SOCS6: variants seen among roughly 807,000 people sequenced by gnomAD.
SOCS6 encodes the protein STAT induced STAT inhibitor-4.
SOCS6 carries 5 observed loss-of-function variants against 27.7 expected under a neutral mutation model. The ratio of observed to expected loss-of-function variants is 0.18; its 90% CI spans 0.09 to 0.38. SOCS6 has a LOEUF of 0.38. Ranked by LOEUF, SOCS6 falls within the 10% of genes least tolerant of loss-of-function variation. The pLI is 1.00. For missense variants in SOCS6, 595 were observed against 688.1 expected (o/e 0.86, Z 1.51); for synonymous variants, 271 against 260.0 (o/e 1.04, Z -0.41).
At chr18:70,292,910 C>T (rs2062306349) in intron 1 of SOCS6, among the ~76,000 whole-genome samples, 1 of 152,196 alleles carries the variant, frequency 6.6e-6, no homozygotes, top group South Asian at 2.1e-4. Flanking sequence ...CTCAGAGCAT[C>T]ACCACCTCAG....
At chr18:70,301,736 T>C (rs41530248) in intron 1 of SOCS6, among the ~76,000 whole-genome samples, 11,447 of 152,164 alleles carry the variant, frequency 0.075, 499 homozygotes, top group Middle Eastern at 0.18. Context: ...GGGACCAAAG[T>C]CTTGAGTGCT....
chr18:70,313,592 G>A (rs2062399085), intron 1 of SOCS6, among the ~76,000 whole-genome samples: 1 of 152,078 alleles, frequency 6.6e-6, no homozygotes, highest in Non-Finnish European at 1.5e-5. Context: ...CACTAGTCCC[G>A]AAAGTTTCTC....
intron 1 of SOCS6, among the ~76,000 whole-genome samples, chr18:70,299,879 A>G (rs2062340650): frequency 6.6e-6 from 1 of 152,184 alleles, no homozygotes. Flanking sequence ...TAAATAATCT[A>G]GAGATGATTT....
rs564865138 is a variant in SOCS6 at position 70,300,971 on chromosome 18, A to G, written c.-127+11881A>G. On this transcript the variant is annotated intron_variant, in intron 1 of 1. Transcript: ENST00000397942. ...GAGCTAAGGGCCCTGAAAGAAGTCA[A>G]AGCAACTGTATTCCATTTATTATGC... is the stretch of plus-strand genomic sequence containing the variant. Among the ~76,000 whole-genome samples the G allele has an allele frequency of 3.9e-5, 6 of 152,348 alleles. No homozygotes were observed. The South Asian group carries it at 1.0e-3, about 26-fold the overall frequency.
At chr18:70,316,385 T>A (rs1259488169) in intron 1 of SOCS6, among the ~76,000 whole-genome samples, 1 of 152,174 alleles carries the variant, frequency 6.6e-6, no homozygotes, top group Non-Finnish European at 1.5e-5. Context: ...AGGAGATGTG[T>A]TCTCAGTTTT....
chr18:70,325,141 T>G lies in SOCS6; in HGVS notation c.473T>G (p.Leu158Trp), dbSNP rs1240692609. The G allele has an allele frequency of 7.4e-6, 12 of 1,613,998 alleles. No homozygotes were observed. The highest frequency in any genetic ancestry group is 1.0e-5 in the Non-Finnish European group (12 of 1,180,020). Residue 158 changes from leucine (L) to tryptophan (W), a missense_variant, in exon 2 of 2, where the codon TTG becomes TGG. Leu to Trp is a moderately conservative substitution (Grantham distance 61). Transcript: ENST00000397942. This position sits in a 1 kb window ranked among gnomAD's most constrained non-coding sequence, Gnocchi z 6.3. ...AAGATGGAGGTGAGAGTCAAGGCCTTGGTTCACTCTTCCAGCCCGAGTCCA... is the reference window on the plus strand; with the variant it reads ...AAGATGGAGGTGAGAGTCAAGGCCTGGGTTCACTCTTCCAGCCCGAGTCCA... ...CIKMEVRVKA[L>W]VHSSSPSPAL...
chr18:70,325,643 C>T lies in SOCS6; in HGVS notation c.975C>T (p.Asn325=). 7.4e-6 allele frequency: 12 copies of T among 1,614,198 alleles called. No homozygotes were observed. Among genetic ancestry groups the T allele is most frequent in the Non-Finnish European group, 9.3e-6 (11 of 1,180,034 alleles). The change falls in exon 2 of 2, where the codon AAC becomes AAT. Residue 325 remains asparagine, a synonymous_variant. Transcript: ENST00000397942. This position sits in a 1 kb window ranked among gnomAD's most constrained non-coding sequence, Gnocchi z 6.3. ...TGCAGAATAATCAAATCCAAAGGAA[C>T]TTCAGTGGACTCACTGGCACAGAAG... ...PPMQNNQIQR[N]FSGLTGTEAH... is the part of the protein sequence containing the mutation.
intron 1 of SOCS6, among the ~76,000 whole-genome samples, chr18:70,302,364 A>C (rs936762967): frequency 6.6e-6 from 1 of 151,952 alleles, no homozygotes. Flanking sequence ...GAGAAAAGAG[A>C]GGGAAGGTGT....
intron 1 of SOCS6, among the ~76,000 whole-genome samples, chr18:70,322,838 C>G (rs1198725616): frequency 1.3e-5 from 2 of 152,152 alleles, no homozygotes; most frequent in East Asian, 3.8e-4. Flanking sequence ...AAGAATGATT[C>G]CATCTGCACA....
At chr18:70,300,272 A>G (rs559960960) in intron 1 of SOCS6, among the ~76,000 whole-genome samples, 6 of 151,934 alleles carry the variant, frequency 3.9e-5, no homozygotes, top group Non-Finnish European at 8.8e-5. Flanking sequence ...GATTACAGGC[A>G]CCCACCACCA....
At chr18:70,303,516 G>T (rs1477373347) in intron 1 of SOCS6, among the ~76,000 whole-genome samples, 2 of 152,136 alleles carry the variant, frequency 1.3e-5, no homozygotes, top group African/African-American at 4.8e-5. Flanking sequence ...TCCTTCAGCT[G>T]GGTGCGGTGG....
intron 1 of SOCS6, among the ~76,000 whole-genome samples, chr18:70,291,312 G>C (rs1336662758): frequency 3.3e-5 from 5 of 151,958 alleles, no homozygotes; most frequent in Non-Finnish European, 5.9e-5. Context: ...GTGTTGCCGA[G>C]GCTGGTCTCA....
intron 1 of SOCS6, among the ~76,000 whole-genome samples, chr18:70,298,201 AC>A (rs1396565332): frequency 6.6e-6 from 1 of 152,196 alleles, no homozygotes. Context: ...ACACTTTGCT[AC>A]AGTACAGAAT....
chr18:70,296,726 T>C (rs1039632759), intron 1 of SOCS6: 1 of 152,248 alleles, frequency 6.6e-6, no homozygotes, highest in African/African-American at 2.4e-5. Flanking sequence ...GGGGGACTTT[T>C]GTGTTATTGC....
Position 70,327,049 on chromosome 18 carries a change from G to T in SOCS6, c.*773G>T, listed in dbSNP as rs1357414000. Reference sequence around the variant, plus strand: ...GTTGCCTTTTCTGTAATTAAACTCGGGTACAAATTGGCATAACATGAAAAC... The same window carrying T: ...GTTGCCTTTTCTGTAATTAAACTCGTGTACAAATTGGCATAACATGAAAAC... On this transcript the variant is annotated 3_prime_UTR_variant, in exon 2 of 2. Coordinates refer to ENST00000397942, the MANE Select transcript of SOCS6 (RefSeq NM_004232.4). The T allele has an allele frequency of 1.2e-5, 2 of 166,036 alleles. No individual in the cohort carries two copies. The highest frequency in any genetic ancestry group is 2.9e-5 in the Non-Finnish European group (2 of 68,016). The allele number at this position is 166,036 out of a possible 1,614,324, so 10.3% of individuals were successfully genotyped here.
rs779314418 is a variant in SOCS6 at position 70,328,292 on chromosome 18, CAG to C, written c.*2019_*2020del. The C allele has an allele frequency of 1.2e-5, 2 of 167,018 alleles. No homozygotes were observed. The highest frequency in any genetic ancestry group is 2.9e-5 in the Non-Finnish European group (2 of 68,136). 10.3% of individuals were successfully genotyped at this position (167,018 alleles called of 1,614,324 possible). On this transcript the variant is annotated 3_prime_UTR_variant, in exon 2 of 2. Coordinates refer to ENST00000397942, the MANE Select transcript of SOCS6 (RefSeq NM_004232.4). ...CTATATTAGATGGCAGGTTTTGTCACAGAGTCACTGTGTATTAATAATAAATG... is the reference window on the plus strand; with the variant it reads ...CTATATTAGATGGCAGGTTTTGTCACAGTCACTGTGTATTAATAATAAATG...
chr18:70,307,828 TTC>T (rs1275790815), intron 1 of SOCS6, among the ~76,000 whole-genome samples: 1 of 152,162 alleles, frequency 6.6e-6, no homozygotes, highest in East Asian at 1.9e-4. Context: ...CCTCTTGTTT[TTC>T]TGTTTTCTAT....
rs111761442 is a variant in SOCS6, at chr18:70,293,429, G to A, written c.-127+4339G>A. On this transcript the variant is annotated intron_variant, in intron 1 of 1. Coordinates refer to ENST00000397942, the MANE Select transcript of SOCS6 (RefSeq NM_004232.4). ...TACCAGACTGACTGGCAGTGTAGAC[G>A]CCCAGATCTCTTTCACTTCTGGAAG... Among the ~76,000 whole-genome samples the A allele has an allele frequency of 5.4e-3, 827 of 152,134 alleles. 13 individuals are homozygous for A. Among genetic ancestry groups the A allele is most frequent in the African/African-American group, 0.019 (779 of 41,516 alleles).
Position 70,329,890 on chromosome 18 carries a change from T to C in SOCS6, c.*3614T>C, listed in dbSNP as rs1056273532. ...ATCCAGAGATTATGAAAAATTCTTATAGAATTTTGTAACAAGTATTTACAT... is the reference window on the plus strand; with the variant it reads ...ATCCAGAGATTATGAAAAATTCTTACAGAATTTTGTAACAAGTATTTACAT... On this transcript the variant is annotated 3_prime_UTR_variant, in exon 2 of 2. Transcript: ENST00000397942. 1.1e-4 allele frequency: 18 copies of C among 167,094 alleles called. No homozygotes were observed. The highest frequency in any genetic ancestry group is 4.1e-4 in the South Asian group (2 of 4,826). 10.4% of individuals were successfully genotyped at this position (167,094 alleles called of 1,614,324 possible).
Sources: gnomAD v4.1 joint callset for allele counts (sites outside exome capture counted in the v4.1 genomes callset) on GRCh38, gnomAD v4.1.1 for gene constraint, Gnocchi (gnomAD v3.1) non-coding constraint, MANE v1.5 for transcripts, NCBI Gene and HGNC (gene_info 2026-07-23, HGNC 2026-07-21) for gene names.